ATP6V1G2: variants seen among roughly 807,000 people sequenced by gnomAD.
ATP6V1G2 encodes ATPase H+ transporting V1 subunit G2.
In ATP6V1G2, 14 loss-of-function variants were observed where a neutral mutation model predicts 17.8. The observed-to-expected ratio is 0.79, with a 90% CI of 0.52 to 1.23. The LOEUF (loss-of-function observed/expected upper bound fraction) is 1.23. Ranked by LOEUF, ATP6V1G2 falls within the 50% of genes most tolerant of loss-of-function variation. The probability of loss-of-function intolerance (pLI) is 0.00; values close to 1 mark genes in which losing one functional copy is unlikely to be tolerated. For synonymous variants in ATP6V1G2, 57 were observed against 54.8 expected (o/e 1.04, Z -0.17); for missense variants, 112 against 152.2 (o/e 0.74, Z 1.39).
Position 31,545,487 on chromosome 6 carries a change from T to C in ATP6V1G2, c.278A>G (p.Glu93Gly). 1 of 1,613,990 alleles carries C rather than the reference T, an allele frequency of 6.2e-7. No homozygotes were observed. The highest frequency in any genetic ancestry group is 8.5e-7 in the Non-Finnish European group (1 of 1,179,992). The stretch of plus-strand genomic sequence containing the variant: ...GCCAAGAAGCTGGGCCAGGACACGC[T>C]CTCGGTTTCTCTGCTGGGAGCTCTG... Reference protein sequence around the residue: ...GMQSSQQRNRERVLAQLLGMV... With the variant: ...GMQSSQQRNRGRVLAQLLGMV... Residue 93 changes from glutamate (E) to glycine (G), a missense_variant, in exon 3 of 3, where the codon GAG becomes GGG. Transcript: ENST00000303892. The surrounding 1 kb of genome is among the most constrained non-coding windows in gnomAD (Gnocchi z 4.9).
At position 31,544,540 on chromosome 6, in the gene ATP6V1G2, G is replaced by A. The variant is rs967500535; in HGVS notation, c.*868C>T. ...AGTAAGGTGTCAAGGATATAGAAAG[G>A]AAGGGCATGCATATGAGGGAACACA... On this transcript the variant is annotated 3_prime_UTR_variant, in exon 3 of 3. Transcript: ENST00000303892. 3.2e-6 allele frequency: 1 copy of A among 315,766 alleles called. No individual in the cohort carries two copies. The allele number at this position is 315,766 out of a possible 1,614,324, so 19.6% of individuals were successfully genotyped here.
chr6:31,545,632 A>G lies in ATP6V1G2; in HGVS notation c.184-51T>C. The G allele has an allele frequency of 6.3e-7, 1 of 1,583,950 alleles. No individual in the cohort carries two copies. Among genetic ancestry groups the G allele is most frequent in the Non-Finnish European group, 8.6e-7 (1 of 1,163,132 alleles). ...GAGAGAAAGGGAAAAGCAGAAACAGACAAGGGTCCAGGCATATGAGGGGAA... is the reference window on the plus strand; with the variant it reads ...GAGAGAAAGGGAAAAGCAGAAACAGGCAAGGGTCCAGGCATATGAGGGGAA... On this transcript the variant is annotated intron_variant, in intron 2 of 2. Coordinates refer to ENST00000303892, the MANE Select transcript of ATP6V1G2 (RefSeq NM_130463.4). This position sits in a 1 kb window ranked among gnomAD's most constrained non-coding sequence, Gnocchi z 4.9.
Position 31,545,365 on chromosome 6 carries a change from T to G in ATP6V1G2, c.*43A>C. The G allele has an allele frequency of 6.3e-7, 1 of 1,589,092 alleles. No homozygotes were observed. The highest frequency in any genetic ancestry group is 8.6e-7 in the Non-Finnish European group (1 of 1,164,068). On this transcript the variant is annotated 3_prime_UTR_variant, in exon 3 of 3. Transcript: ENST00000303892. The surrounding 1 kb of genome is among the most constrained non-coding windows in gnomAD (Gnocchi z 4.9). The stretch of plus-strand genomic sequence containing the variant: ...GGTGATTTTGATTGGAGGATTTCTT[T>G]GAGGGAGGGAACTGGCAGAAGGAGT...
rs1453811060 is a variant in ATP6V1G2, at chr6:31,546,390, C to T, written c.82+88G>A. On this transcript the variant is annotated intron_variant, in intron 1 of 2. Transcript: ENST00000303892. This position sits in a 1 kb window ranked among gnomAD's most constrained non-coding sequence, Gnocchi z 4.1. ...TCCAGACCCTAGCTGTCTGTCTTCCCGCCAGCCTTGGGTTTTCCCAAAATG... is the reference window on the plus strand; with the variant it reads ...TCCAGACCCTAGCTGTCTGTCTTCCTGCCAGCCTTGGGTTTTCCCAAAATG... 9 of 1,397,914 alleles carry T rather than the reference C, an allele frequency of 6.4e-6. No individual in the cohort carries two copies. Among genetic ancestry groups the T allele is most frequent in the East Asian group, 2.4e-5 (1 of 40,994 alleles). 86.6% of individuals were successfully genotyped at this position (1,397,914 alleles called of 1,614,324 possible).
chr6:31,545,267 T>TC lies in ATP6V1G2; in HGVS notation c.*140dup. On this transcript the variant is annotated 3_prime_UTR_variant, in exon 3 of 3. Coordinates refer to ENST00000303892, the MANE Select transcript of ATP6V1G2 (RefSeq NM_130463.4). This position sits in a 1 kb window ranked among gnomAD's most constrained non-coding sequence, Gnocchi z 4.9. ...GATGTGAGCAGGATATTTATAAGTGTCACAGGAAAATTATTGGATCCTGCC... is the reference window on the plus strand; with the variant it reads ...GATGTGAGCAGGATATTTATAAGTGTCCACAGGAAAATTATTGGATCCTGCC... 1 of 997,026 alleles carries TC rather than the reference T, an allele frequency of 1.0e-6. No homozygotes were observed. Among genetic ancestry groups the TC allele is most frequent in the Non-Finnish European group, 1.5e-6 (1 of 684,698 alleles). 61.8% of individuals were successfully genotyped at this position (997,026 alleles called of 1,614,324 possible). A position where few individuals can be genotyped will look rare whatever the true frequency, so the allele number is the denominator to read the frequency against.
Position 31,546,556 on chromosome 6 carries a change from C to T in ATP6V1G2, c.4G>A (p.Ala2Thr), listed in dbSNP as rs746695904. Residue 2 changes from alanine to threonine, a missense_variant, in exon 1 of 3, where the codon GCC becomes ACC. By Grantham distance (58) the Ala-to-Thr change is moderately conservative. Transcript: ENST00000303892. The surrounding 1 kb of genome is among the most constrained non-coding windows in gnomAD (Gnocchi z 4.1). The part of the protein sequence containing the change: M[A>T]SQSQGIQQLL... ...TGCTGGATACCTTGGGACTGACTGG[C>T]CATTTCTGTTGTTATGGCCGATGCT... 6.2e-7 allele frequency: 1 copy of T among 1,613,824 alleles called. No individual in the cohort carries two copies. The highest frequency in any genetic ancestry group is 1.1e-5 in the South Asian group (1 of 91,078).
rs1768919120 is a variant in ATP6V1G2 at position 31,545,637 on chromosome 6, G to C, written c.184-56C>G. On this transcript the variant is annotated intron_variant, in intron 2 of 2. Coordinates refer to ENST00000303892, the MANE Select transcript of ATP6V1G2 (RefSeq NM_130463.4). The surrounding 1 kb of genome is among the most constrained non-coding windows in gnomAD (Gnocchi z 4.9). Reference sequence around the variant, plus strand: ...AAAGGGAAAAGCAGAAACAGACAAGGGTCCAGGCATATGAGGGGAAAGATC... The same window carrying C: ...AAAGGGAAAAGCAGAAACAGACAAGCGTCCAGGCATATGAGGGGAAAGATC... 2.6e-6 allele frequency: 4 copies of C among 1,565,974 alleles called. No homozygotes were observed. Among genetic ancestry groups the C allele is most frequent in the Non-Finnish European group, 3.5e-6 (4 of 1,153,016 alleles).
In ATP6V1G2 at chr6:31,545,371, A is replaced by C. The variant is rs372663402; in HGVS notation, c.*37T>G. On this transcript the variant is annotated 3_prime_UTR_variant, in exon 3 of 3. Transcript: ENST00000303892. This position sits in a 1 kb window ranked among gnomAD's most constrained non-coding sequence, Gnocchi z 4.9. ...TTTGATTGGAGGATTTCTTTGAGGG[A>C]GGGAACTGGCAGAAGGAGTCAGGCC... The C allele has an allele frequency of 3.8e-6, 6 of 1,595,696 alleles. No individual in the cohort carries two copies. Among genetic ancestry groups the C allele is most frequent in the African/African-American group, 1.3e-5 (1 of 74,552 alleles).
rs1769002085 is a variant in ATP6V1G2 at position 31,546,472 on chromosome 6, A to T, written c.82+6T>A. The T allele has an allele frequency of 6.2e-7, 1 of 1,610,900 alleles. No individual in the cohort carries two copies. The highest frequency in any genetic ancestry group is 1.3e-5 in the African/African-American group (1 of 74,442). On this transcript the variant is annotated splice_donor_region_variant and intron_variant, in intron 1 of 2. Transcript: ENST00000303892. This position sits in a 1 kb window ranked among gnomAD's most constrained non-coding sequence, Gnocchi z 4.1. ...AAACTCCTAAGGGAGGAAAGAGGAG[A>T]CTCACTCTTTCTGGCATCTGCCACC... is the stretch of plus-strand genomic sequence containing the variant.
Sources: gnomAD v4.1 joint callset for allele counts on GRCh38, gnomAD v4.1.1 for gene constraint, Gnocchi (gnomAD v3.1) non-coding constraint, MANE v1.5 for transcripts, NCBI Gene and HGNC (gene_info 2026-07-23, HGNC 2026-07-21) for gene names.